Variants in FRMPD4 observed in about 807,000 individuals in gnomAD.
FRMPD4 encodes FERM and PDZ domain-containing protein 4.
FRMPD4 carries 22 observed loss-of-function variants against 94.1 expected under a neutral mutation model. The ratio of observed to expected loss-of-function variants is 0.23; its 90% CI spans 0.17 to 0.33. FRMPD4 has a LOEUF of 0.33. Among genes scored for constraint, FRMPD4 ranks in the 10% least tolerant of loss-of-function variants. The pLI is 1.00. For synonymous variants in FRMPD4, 631 were observed against 548.6 expected (o/e 1.15, Z -2.10); for missense variants, 1,111 against 1,339.9 (o/e 0.83, Z 2.67).
intron 2 of FRMPD4, among the ~76,000 whole-genome samples, chrX:12,577,186 G>T (rs1026585589): frequency 1.1e-5 from 1 of 92,424 alleles, no homozygotes; most frequent in Non-Finnish European, 2.2e-5. Context: ...TGCGTTAGGT[G>T]CTCTGGATTT....
chrX:12,516,349 T>C (rs1200886945), intron 2 of FRMPD4, among the ~76,000 whole-genome samples: 3 of 112,140 alleles, frequency 2.7e-5, no homozygotes, highest in Non-Finnish European at 5.6e-5. Context: ...GTTTTTCCTT[T>C]CCATATTTAG....
At chrX:12,575,178 G>A (rs1406118402) in intron 2 of FRMPD4, among the ~76,000 whole-genome samples, 3 of 111,548 alleles carry the variant, frequency 2.7e-5, no homozygotes, top group African/African-American at 9.8e-5. Flanking sequence ...AATAAAAAGT[G>A]TACTTTATCC....
At chrX:12,442,826 AAC>A (rs1386298540) in intron 1 of FRMPD4, among the ~76,000 whole-genome samples, 2 of 112,180 alleles carry the variant, frequency 1.8e-5, no homozygotes, top group Admixed American at 9.5e-5. Context: ...ACATGAAAAC[AAC>A]ACAGATATTC....
At chrX:12,056,659 GT>G (rs1455091403) in intron 3 of FRMPD4, among the ~76,000 whole-genome samples, 1 of 111,251 alleles carries the variant, frequency 9.0e-6, no homozygotes. Flanking sequence ...TTGGGGTATT[GT>G]TTTCTGAGTC....
At chrX:12,127,001 T>C (rs2055506078) in intron 3 of FRMPD4, among the ~76,000 whole-genome samples, 2 of 112,321 alleles carry the variant, frequency 1.8e-5, no homozygotes, top group Admixed American at 1.9e-4. Context: ...CCCCATTGCC[T>C]ACTAAAATGG....
chrX:11,962,877 G>A (rs2054290711), intron 3 of FRMPD4, among the ~76,000 whole-genome samples: 1 of 111,379 alleles, frequency 9.0e-6, no homozygotes, highest in East Asian at 2.8e-4. Flanking sequence ...GGGTGGGGTT[G>A]GATTCTCAGC....
intron 4 of FRMPD4, 42 bp downstream of exon 4, chrX:12,614,923 C>A: frequency 1.4e-6 from 1 of 728,408 alleles, no homozygotes; most frequent in Non-Finnish European, 2.1e-6. Context: ...GCTTTGAAGG[C>A]TGCTGCACAG....
At chrX:12,615,236 A>G (rs1239363397) in intron 4 of FRMPD4, among the ~76,000 whole-genome samples, 2 of 112,187 alleles carry the variant, frequency 1.8e-5, no homozygotes, top group Non-Finnish European at 3.8e-5. Flanking sequence ...TTCAGCACAA[A>G]GTGATGAGTA....
chrX:12,149,907 A>T (rs2055823972), intron 1 of FRMPD4, among the ~76,000 whole-genome samples: 1 of 111,147 alleles, frequency 9.0e-6, no homozygotes, highest in Non-Finnish European at 1.9e-5. Flanking sequence ...ATCCATCAAC[A>T]TGGAGGCAAG....
chrX:12,215,990 CA>C (rs2056802904), intron 1 of FRMPD4, among the ~76,000 whole-genome samples: 1 of 112,417 alleles, frequency 8.9e-6, no homozygotes, highest in Admixed American at 9.4e-5. Flanking sequence ...ACATGGCTTG[CA>C]AAGCCTCAGA....
intron 1 of FRMPD4, among the ~76,000 whole-genome samples, chrX:12,244,908 G>A (rs1431790626): frequency 1.8e-5 from 2 of 112,350 alleles, no homozygotes; most frequent in Middle Eastern, 4.2e-3. Flanking sequence ...GAGGAGAGGG[G>A]TGGCATAGGC....
At chrX:12,285,651 T>A in intron 1 of FRMPD4, among the ~76,000 whole-genome samples, 1 of 111,660 alleles carries the variant, frequency 9.0e-6, no homozygotes, top group Non-Finnish European at 1.9e-5. Flanking sequence ...CTGACCCAAA[T>A]CTTTTAAGCA....
In FRMPD4 at chrX:12,717,530, G is replaced by C. The variant is rs1326578271; in HGVS notation, c.2704G>C (p.Glu902Gln). The C allele has an allele frequency of 8.3e-7, 1 of 1,201,148 alleles. No individual in the cohort carries two copies. Among genetic ancestry groups the C allele is most frequent in the Non-Finnish European group, 1.1e-6 (1 of 887,413 alleles). ...AGCCATCTTGCGGGCTTATAGTCCT[G>C]AGTCTTCGTCAGACTCGGGCAATGA... ...GVAILRAYSP[E>Q]SSSDSGNETN... The change falls in exon 16 of 17, where the codon GAG (glutamate) becomes CAG (glutamine). Residue 902 changes from glutamate (E) to glutamine (Q), a missense_variant. Around this residue, in one of 8 missense-constraint regions of FRMPD4, gnomAD observed 74 missense variants for 93.9 expected, o/e 0.79. Coordinates refer to ENST00000675598, the MANE Select transcript of FRMPD4 (RefSeq NM_001368397.1).
intron 1 of FRMPD4, among the ~76,000 whole-genome samples, chrX:12,431,166 A>G (rs138472267): frequency 0.042 from 4,730 of 112,766 alleles, 276 homozygotes; most frequent in African/African-American, 0.14. Context: ...GAATGCATAT[A>G]TGAATAAGAT....
chrX:12,087,762 G>C (rs1179259700), intron 3 of FRMPD4, among the ~76,000 whole-genome samples: 3 of 112,033 alleles, frequency 2.7e-5, no homozygotes, highest in African/African-American at 9.7e-5. Context: ...ACAATGTTCT[G>C]TATAATTACT....
chrX:12,670,965 G>A (rs1353143677), intron 4 of FRMPD4, among the ~76,000 whole-genome samples: 1 of 112,610 alleles, frequency 8.9e-6, no homozygotes, highest in East Asian at 2.7e-4. Flanking sequence ...AGATATTTAT[G>A]CGGCCAACAA....
intron 3 of FRMPD4, among the ~76,000 whole-genome samples, chrX:11,915,415 G>A (rs1426347369): frequency 8.9e-6 from 1 of 112,267 alleles, no homozygotes; most frequent in African/African-American, 3.2e-5. Flanking sequence ...CTACATTTGT[G>A]TTAGAGAAGG....
chrX:12,045,409 C>T (rs1452936056), intron 3 of FRMPD4, among the ~76,000 whole-genome samples: 1 of 111,507 alleles, frequency 9.0e-6, no homozygotes, highest in East Asian at 2.8e-4. Context: ...TTGGGGTGGG[C>T]TTTTCAAGGT....
chrX:12,420,331 T>C (rs1175484642), intron 1 of FRMPD4, among the ~76,000 whole-genome samples: 1 of 112,284 alleles, frequency 8.9e-6, no homozygotes, highest in African/African-American at 3.2e-5. Context: ...GCCTCCATTG[T>C]CTCTACTAAT....
Sources: allele counts gnomAD v4.1 joint callset (sites outside exome capture counted in the v4.1 genomes callset), GRCh38; gene constraint gnomAD v4.1.1; regional missense constraint gnomAD v4.1.1; transcripts MANE v1.5; gene names NCBI Gene and HGNC (gene_info 2026-07-23, HGNC 2026-07-21).